The following ALK variants were observed in gnomAD, a reference collection of about 807,000 sequenced individuals.
The protein encoded by ALK is ALK tyrosine kinase receptor.
In ALK, 74 loss-of-function variants were observed where a neutral mutation model predicts 163.1. That is an observed-to-expected ratio of 0.45 (90% CI 0.38 to 0.55). The LOEUF (loss-of-function observed/expected upper bound fraction) is 0.55. Among genes scored for constraint, ALK ranks in the 20% least tolerant of loss-of-function variants. The probability of loss-of-function intolerance (pLI) is 0.00; values close to 1 mark genes in which losing one functional copy is unlikely to be tolerated. For synonymous variants in ALK, 960 were observed against 843.2 expected (o/e 1.14, Z -2.40); for missense variants, 2,063 against 2,105.3 (o/e 0.98, Z 0.39).
chr2:29,272,788 C>T (rs1665426955), intron 11 of ALK, among the ~76,000 whole-genome samples: 1 of 152,224 alleles, frequency 6.6e-6, no homozygotes, highest in Non-Finnish European at 1.5e-5. Flanking sequence ...GAACTCTTCC[C>T]TGCTCTTTTC....
intron 28 of ALK, among the ~76,000 whole-genome samples, chr2:29,195,728 G>C (rs1194342633): frequency 6.6e-6 from 1 of 152,172 alleles, no homozygotes; most frequent in Non-Finnish European, 1.5e-5. Flanking sequence ...GAGCGAGACT[G>C]CTCCCAAAAT....
In ALK at chr2:29,233,611, C is replaced by A. The variant is rs2148184510; in HGVS notation, c.2441G>T (p.Trp814Leu). 5.0e-6 allele frequency: 8 copies of A among 1,614,218 alleles called. No homozygotes were observed. The highest frequency in any genetic ancestry group is 6.8e-6 in the Non-Finnish European group (8 of 1,180,044). ...ACCCCCTCCTCCTCCGCCTCCTGCC[C>A]ACTCATGCACGCTTCTGTTCACACG... ...EIRVNRSVHE[W>L]AGGGGGGGGA... is the part of the protein sequence containing the mutation. Residue 814 changes from tryptophan to leucine, a missense_variant, in exon 14 of 29, where the codon TGG becomes TTG. This residue lies in a region of ALK where 575 missense variants were observed against 626.6 expected (regional missense o/e 0.92). Coordinates refer to ENST00000389048, the MANE Select transcript of ALK (RefSeq NM_004304.5).
chr2:29,600,838 C>A (rs1039917898), intron 3 of ALK, among the ~76,000 whole-genome samples: 47 of 152,054 alleles, frequency 3.1e-4, no homozygotes, highest in African/African-American at 1.1e-3. Flanking sequence ...GAACCCAGGC[C>A]GTATTTCTGG....
At chr2:29,614,623 C>A (rs760885555) in intron 3 of ALK, among the ~76,000 whole-genome samples, 73 of 152,228 alleles carry the variant, frequency 4.8e-4, no homozygotes, top group Non-Finnish European at 7.8e-4. Flanking sequence ...CCTCCACGAG[C>A]CCAATTTCAG....
At chr2:29,607,086 T>C (rs575417048) in intron 3 of ALK, among the ~76,000 whole-genome samples, 1 of 152,362 alleles carries the variant, frequency 6.6e-6, no homozygotes, top group South Asian at 2.1e-4. Context: ...TGCTTATTAC[T>C]GTTCTTTGAA....
At chr2:29,804,517 G>A (rs1007615175) in intron 1 of ALK, among the ~76,000 whole-genome samples, 1 of 152,216 alleles carries the variant, frequency 6.6e-6, no homozygotes, top group Admixed American at 6.5e-5. Flanking sequence ...TGTGCCTTCA[G>A]CAGATATGGC....
chr2:29,471,823 C>T (rs535468171), intron 4 of ALK, among the ~76,000 whole-genome samples: 1 of 152,010 alleles, frequency 6.6e-6, no homozygotes, highest in South Asian at 2.1e-4. Flanking sequence ...CTAACTGCAA[C>T]CTCCACCTCC....
At position 29,637,905 on chromosome 2, in the gene ALK, G is replaced by C. The variant is rs930548456; in HGVS notation, c.952+56945C>G. Among the ~76,000 whole-genome samples the C allele has an allele frequency of 2.0e-5, 3 of 151,928 alleles. No homozygotes were observed. In the South Asian group the frequency reaches 6.2e-4, roughly 32 times the overall value. On this transcript the variant is annotated intron_variant, in intron 3 of 28. Coordinates refer to ENST00000389048, the MANE Select transcript of ALK (RefSeq NM_004304.5). ...ATCCATAATTCTTTCAACATAATAA[G>C]TTTAATTAAAACATATATAGTTGCT...
At position 29,895,061 on chromosome 2, in the gene ALK, C is replaced by T. The variant is rs191373626; in HGVS notation, c.667+24932G>A. On this transcript the variant is annotated intron_variant, in intron 1 of 28. Transcript: ENST00000389048. ...TGCTTCCTTTCTGAAGACTTAATAT[C>T]AAGGTGTCATCATTATCCATAATGT... Among the ~76,000 whole-genome samples, 100 of 151,994 alleles carry T rather than the reference C, an allele frequency of 6.6e-4. No individual in the cohort carries two copies. In the South Asian group the frequency reaches 0.01, roughly 15 times the overall value.
chr2:29,353,161 A>G (rs1248777885), intron 5 of ALK, among the ~76,000 whole-genome samples: 7 of 152,182 alleles, frequency 4.6e-5, no homozygotes, highest in Non-Finnish European at 1.0e-4. Context: ...CCTAAAATCA[A>G]TGCTTGAGAT....
chr2:29,817,725 C>T (rs1572403444), intron 1 of ALK, among the ~76,000 whole-genome samples: 1 of 152,032 alleles, frequency 6.6e-6, no homozygotes, highest in East Asian at 1.9e-4. Flanking sequence ...GTGTTTTGTC[C>T]AAGTCCACAT....
At chr2:29,821,361 T>C (rs912233033) in intron 1 of ALK, among the ~76,000 whole-genome samples, 1 of 151,934 alleles carries the variant, frequency 6.6e-6, no homozygotes, top group Non-Finnish European at 1.5e-5. Context: ...CCCACACTCA[T>C]CTCCCCTCCC....
intron 1 of ALK, among the ~76,000 whole-genome samples, chr2:29,910,953 G>T (rs956929039): frequency 1.3e-5 from 2 of 151,926 alleles, no homozygotes; most frequent in Admixed American, 1.3e-4. Context: ...CTTTACAACC[G>T]AAATACTCTG....
At position 29,920,554 on chromosome 2, in the gene ALK, G is replaced by A. The variant is rs201490095; in HGVS notation, c.106C>T (p.Pro36Ser). Reference sequence around the variant, plus strand: ...AGTGGCTCCCGGGGCTGCAGCGGCGGCCCCGCAGCTGGGGAGCCCGCGCGC... The same window carrying A: ...AGTGGCTCCCGGGGCTGCAGCGGCGACCCCGCAGCTGGGGAGCCCGCGCGC... ...GQRAGSPAAG[P>S]PLQPREPLSY... The change falls in exon 1 of 29, where the codon CCG becomes TCG. Residue 36 changes from proline (P) to serine (S), a missense_variant. Pro to Ser is a moderately conservative substitution (Grantham distance 74). Coordinates refer to ENST00000389048, the MANE Select transcript of ALK (RefSeq NM_004304.5). The A allele has an allele frequency of 8.7e-4, 1,400 of 1,603,346 alleles. 1 individual carries two copies. Among genetic ancestry groups the A allele is most frequent in the Non-Finnish European group, 1.1e-3 (1,252 of 1,177,038 alleles).
chr2:29,359,969 G>A (rs1410804467), intron 5 of ALK, among the ~76,000 whole-genome samples: 1 of 152,230 alleles, frequency 6.6e-6, no homozygotes, highest in African/African-American at 2.4e-5. Context: ...CGTTTCCACA[G>A]TCTGAAAGCT....
At chr2:29,441,105 T>C (rs1312225471) in intron 4 of ALK, among the ~76,000 whole-genome samples, 1 of 152,206 alleles carries the variant, frequency 6.6e-6, no homozygotes, top group Non-Finnish European at 1.5e-5. Context: ...ACCTGAACAC[T>C]GTAAGAGGTA....
At chr2:29,765,611 G>A (rs747005939) in intron 1 of ALK, among the ~76,000 whole-genome samples, 103 of 151,910 alleles carry the variant, frequency 6.8e-4, no homozygotes, top group Non-Finnish European at 1.3e-3. Context: ...CATGCCTGGC[G>A]CTTTTAGAAT....
chr2:29,494,056 T>C (rs1306388647), intron 4 of ALK, among the ~76,000 whole-genome samples: 1 of 152,098 alleles, frequency 6.6e-6, no homozygotes, highest in Non-Finnish European at 1.5e-5. Context: ...TGTCTAAGGG[T>C]CCTCCTATGG....
intron 3 of ALK, among the ~76,000 whole-genome samples, chr2:29,688,057 T>A (rs1678289077): frequency 6.6e-6 from 1 of 152,220 alleles, no homozygotes. Flanking sequence ...GGAGAGTTAG[T>A]GTTGTCAGTA....
Sources: gnomAD v4.1 joint callset for allele counts (sites outside exome capture counted in the v4.1 genomes callset) on GRCh38, gnomAD v4.1.1 for gene constraint, gnomAD v4.1.1 regional missense constraint, MANE v1.5 for transcripts, NCBI Gene and HGNC (gene_info 2026-07-23, HGNC 2026-07-21) for gene names.